Variants in AOPEP observed in about 807,000 individuals in gnomAD.
AOPEP encodes aminopeptidase O (putative).
Under a neutral mutation model 98.1 loss-of-function variants are expected in AOPEP, and 77 were observed. The observed-to-expected ratio is 0.78, with a 90% CI of 0.65 to 0.95. The LOEUF (loss-of-function observed/expected upper bound fraction) is 0.95, where lower values mean the gene tolerates loss of function less well. Among genes scored for constraint, AOPEP ranks in the 40% least tolerant of loss-of-function variants. AOPEP has a pLI of 0.00. For synonymous variants in AOPEP, 346 were observed against 365.3 expected, an observed-to-expected ratio of 0.95 and a Z score of 0.60; for missense variants, 1,024 against 1,024.7, an observed-to-expected ratio of 1.00 and a Z score of 0.01.
intron 9 of AOPEP, among the ~76,000 whole-genome samples, chr9:94,961,294 CT>C (rs953456939): frequency 4.6e-5 from 7 of 152,124 alleles, no homozygotes; most frequent in Non-Finnish European, 7.3e-5. Flanking sequence ...TTTTTTCCCC[CT>C]GGAAAAATAG....
Position 94,943,919 on chromosome 9 carries a change from C to CAA in AOPEP, c.1662-11231_1662-11230dup, listed in dbSNP as rs775807087. Among the ~76,000 whole-genome samples the CAA allele has an allele frequency of 5.8e-3, 101 of 17,394 alleles. 15 individuals carry two copies. Among genetic ancestry groups the CAA allele is most frequent in the Middle Eastern group, 0.05 (1 of 20 alleles). 11.4% of individuals were successfully genotyped at this position (17,394 alleles called of 152,430 possible). A position where few individuals can be genotyped will look rare whatever the true frequency, so the allele number is the denominator to read the frequency against. On this transcript the variant is annotated intron_variant, in intron 7 of 16. Coordinates refer to ENST00000375315, the MANE Select transcript of AOPEP (RefSeq NM_001193329.3). ...TGGGCAACAGAGTGAGACTCCATCT[C>CAA]AAAAAAAAAAAAAAAAAAAAAAAAA...
intron 11 of AOPEP, among the ~76,000 whole-genome samples, chr9:94,989,339 A>T (rs10993439): frequency 0.19 from 29,087 of 151,738 alleles, 6,468 homozygotes; most frequent in African/African-American, 0.54. Flanking sequence ...CCTGACCTCG[A>T]GATCCGCCCA....
intron 1 of AOPEP, among the ~76,000 whole-genome samples, chr9:94,737,759 A>G (rs73654267): frequency 0.013 from 1,941 of 152,312 alleles, 35 homozygotes; most frequent in African/African-American, 0.039. Flanking sequence ...GGTGTGCTTA[A>G]GAGTGAGGGA....
intron 10 of AOPEP, among the ~76,000 whole-genome samples, chr9:94,971,590 G>A (rs1261220687): frequency 1.3e-5 from 2 of 152,164 alleles, no homozygotes; most frequent in Admixed American, 6.5e-5. Context: ...TGTTAGGCAC[G>A]TGAACTGTTC....
At chr9:94,830,833 G>A (rs988459707) in intron 5 of AOPEP, among the ~76,000 whole-genome samples, 2 of 152,046 alleles carry the variant, frequency 1.3e-5, no homozygotes, top group Non-Finnish European at 2.9e-5. Context: ...ATGTTTGTTG[G>A]CTGCACAGAT....
chr9:94,900,293 C>G (rs1474557253), intron 5 of AOPEP: 1 of 152,230 alleles, frequency 6.6e-6, no homozygotes, highest in Non-Finnish European at 1.5e-5. Context: ...TGTAAACTTT[C>G]AATGGCACCA....
intron 7 of AOPEP, among the ~76,000 whole-genome samples, chr9:94,948,192 T>C (rs2137747128): frequency 6.6e-6 from 1 of 152,282 alleles, no homozygotes. Context: ...GCAAATCTGT[T>C]AAGCCAGTAA....
chr9:94,923,950 C>T (rs1043548188), intron 5 of AOPEP, 36 bp from the exon 6 acceptor site: 1 of 1,343,846 alleles, frequency 7.4e-7, no homozygotes, highest in East Asian at 3.0e-5. Context: ...CAGGCTCTAA[C>T]AAGACTCTGT....
chr9:94,752,163 C>T (rs886594219), intron 1 of AOPEP, among the ~76,000 whole-genome samples: 6 of 152,134 alleles, frequency 3.9e-5, no homozygotes, highest in Admixed American at 6.5e-5. Context: ...GCTGGAATTA[C>T]GAGCATGAGC....
chr9:95,007,585 A>G (rs573801732), intron 13 of AOPEP, among the ~76,000 whole-genome samples: 4 of 152,328 alleles, frequency 2.6e-5, no homozygotes, highest in South Asian at 4.1e-4. Context: ...ACTTCCTTTC[A>G]TGGATTGAAA....
At chr9:94,847,809 G>C (rs2043045127) in intron 5 of AOPEP, among the ~76,000 whole-genome samples, 1 of 152,184 alleles carries the variant, frequency 6.6e-6, no homozygotes, top group South Asian at 2.1e-4. Flanking sequence ...ACAGATGAAG[G>C]AGGAGAGTCC....
At chr9:94,943,898 C>A (rs2057303159) in intron 7 of AOPEP, among the ~76,000 whole-genome samples, 1 of 107,672 alleles carries the variant, frequency 9.3e-6, no homozygotes, top group African/African-American at 3.6e-5. Flanking sequence ...CCAGCCTGGG[C>A]AACAGAGTGA....
chr9:95,076,466 TA>T (rs1195676472), intron 14 of AOPEP, among the ~76,000 whole-genome samples: 6 of 152,220 alleles, frequency 3.9e-5, no homozygotes, highest in Non-Finnish European at 8.8e-5. Flanking sequence ...TCGCTAATCT[TA>T]GCATTATTTG....
intron 4 of AOPEP, among the ~76,000 whole-genome samples, chr9:94,798,526 T>C (rs1166922570): frequency 6.6e-6 from 1 of 152,212 alleles, no homozygotes; most frequent in Non-Finnish European, 1.5e-5. Context: ...ACTTTAGGGT[T>C]CTTGGCAGCA....
intron 2 of AOPEP, among the ~76,000 whole-genome samples, chr9:94,765,306 T>TA (rs1234291984): frequency 6.6e-6 from 1 of 151,168 alleles, no homozygotes; most frequent in Admixed American, 6.6e-5. Flanking sequence ...TGTTTTAATA[T>TA]AAAAAAATAT....
intron 5 of AOPEP, among the ~76,000 whole-genome samples, chr9:94,818,581 A>G (rs1440953752): frequency 2.0e-5 from 3 of 152,198 alleles, no homozygotes; most frequent in Non-Finnish European, 4.4e-5. Context: ...TGAACTTTTA[A>G]TATACATACT....
the AOPEP span, among the ~76,000 whole-genome samples, chr9:95,105,032 CAAT>C: frequency 1.3e-5 from 2 of 152,228 alleles, no homozygotes; most frequent in Admixed American, 1.3e-4. Flanking sequence ...TAAGAGTACA[CAAT>C]AGATTCTCGA....
At chr9:94,804,218 C>T (rs1241889879) in intron 5 of AOPEP, among the ~76,000 whole-genome samples, 1 of 152,152 alleles carries the variant, frequency 6.6e-6, no homozygotes, top group African/African-American at 2.4e-5. Flanking sequence ...AGGCATATGA[C>T]AGTTGCTTAA....
At chr9:94,777,129 TG>T (rs1406585160) in intron 3 of AOPEP, among the ~76,000 whole-genome samples, 1 of 152,106 alleles carries the variant, frequency 6.6e-6, no homozygotes, top group African/African-American at 2.4e-5. Flanking sequence ...TTCATTTGAA[TG>T]ATTGACAGAA....
Sources: gnomAD v4.1 joint callset for allele counts (sites outside exome capture counted in the v4.1 genomes callset) on GRCh38, gnomAD v4.1.1 for gene constraint, MANE v1.5 for transcripts, NCBI Gene and HGNC (gene_info 2026-07-23, HGNC 2026-07-21) for gene names.